The following NKD1 variants were observed in gnomAD, a reference collection of about 807,000 sequenced individuals.
The protein encoded by NKD1 is protein naked cuticle homolog 1.
In NKD1, 21 loss-of-function variants were observed where a neutral mutation model predicts 56.0. That is an observed-to-expected ratio of 0.38 (90% CI 0.27 to 0.54). The LOEUF is 0.54. NKD1 is among the 20% of genes least tolerant of loss of function. The pLI is 0.82. For synonymous variants in NKD1, 263 were observed against 265.7 expected, an observed-to-expected ratio of 0.99 and a Z score of 0.10; for missense variants, 578 against 642.7, an observed-to-expected ratio of 0.90 and a Z score of 1.09.
chr16:50,555,367 G>A (rs1490384210), intron 3 of NKD1: 2 of 152,490 alleles, frequency 1.3e-5, no homozygotes, highest in Non-Finnish European at 2.9e-5. Context: ...TTACCTGTCT[G>A]TCCCCCTGGA....
intron 3 of NKD1, among the ~76,000 whole-genome samples, chr16:50,572,563 T>C (rs186160579): frequency 2.6e-5 from 4 of 151,844 alleles, no homozygotes; most frequent in South Asian, 4.2e-4. Context: ...GGTAGTGGAG[T>C]TGTCTGCTCC....
At chr16:50,562,755 G>C (rs1289432066) in intron 3 of NKD1, among the ~76,000 whole-genome samples, 1 of 152,116 alleles carries the variant, frequency 6.6e-6, no homozygotes, top group Admixed American at 6.5e-5. Flanking sequence ...GTTGGAGAGG[G>C]ATGAGGGGGG....
At chr16:50,555,845 C>G (rs1158641002) in intron 3 of NKD1, 1 of 152,384 alleles carries the variant, frequency 6.6e-6, no homozygotes, top group Non-Finnish European at 1.5e-5. Flanking sequence ...CCAGGCACTT[C>G]TGGCTGCCTC....
chr16:50,578,045 A>C (rs143260305), intron 3 of NKD1, among the ~76,000 whole-genome samples: 2,198 of 152,328 alleles, frequency 0.014, 31 homozygotes, highest in Non-Finnish European at 0.02. Context: ...ATTGAAGTTT[A>C]GAATTTTATT....
chr16:50,626,642 G>A (rs962332707), intron 6 of NKD1, among the ~76,000 whole-genome samples: 2 of 152,212 alleles, frequency 1.3e-5, no homozygotes, highest in African/African-American at 4.8e-5. Context: ...GGGCCTTGGA[G>A]GCCCTGGCAG....
chr16:50,565,518 ATAACAACAG>A (rs1960740351), intron 3 of NKD1, among the ~76,000 whole-genome samples: 1 of 152,050 alleles, frequency 6.6e-6, no homozygotes, highest in African/African-American at 2.4e-5. Context: ...ATCTCTTAAA[ATAACAACAG>A]TAACAACAAA....
Position 50,647,248 on chromosome 16 carries a change from T to A in NKD1, c.*13467T>A, listed in dbSNP as rs745734562. ...TTGCCAGTGACTGATTCAGGAAAGA[T>A]CATGTGTGACCTTATTCTGGGCAAT... On this transcript the variant is annotated 3_prime_UTR_variant, in exon 10 of 10. Coordinates refer to ENST00000268459, the MANE Select transcript of NKD1 (RefSeq NM_033119.5). 4.6e-5 allele frequency: 7 copies of A among 152,184 alleles called. No individual in the cohort carries two copies. Among genetic ancestry groups the A allele is most frequent in the Non-Finnish European group, 7.3e-5 (5 of 68,038 alleles). 9.4% of individuals were successfully genotyped at this position (152,184 alleles called of 1,614,324 possible).
intron 3 of NKD1, 59 bp downstream of exon 3, chr16:50,549,614 C>A: frequency 1.4e-6 from 2 of 1,467,930 alleles, no homozygotes; most frequent in Non-Finnish European, 1.8e-6. Flanking sequence ...GAGATGGGTC[C>A]CCAAACCCAT....
chr16:50,623,851 CGTGT>C lies in NKD1; in HGVS notation c.367-1621_367-1618del, dbSNP rs142714181. Among the ~76,000 whole-genome samples the C allele has an allele frequency of 6.9e-6, 1 of 145,580 alleles. No individual in the cohort carries two copies. Among genetic ancestry groups the C allele is most frequent in the South Asian group, 2.2e-4 (1 of 4,534 alleles). On this transcript the variant is annotated intron_variant, in intron 5 of 9. Coordinates refer to ENST00000268459, the MANE Select transcript of NKD1 (RefSeq NM_033119.5). This position sits in a 1 kb window ranked among gnomAD's most constrained non-coding sequence, Gnocchi z 4.1. ...GTGTAGGTACGTGTGTAGGGGTATGCGTGTGTGTGTGTGTGTAGGGGTATGTATG... is the reference window on the plus strand; with the variant it reads ...GTGTAGGTACGTGTGTAGGGGTATGCGTGTGTGTGTGTAGGGGTATGTATG...
At chr16:50,575,381 G>A (rs11639974) in intron 3 of NKD1, 47,952 of 979,332 alleles carry the variant, frequency 0.049, 1,817 homozygotes, top group African/African-American at 0.19. Flanking sequence ...GAACATCAGC[G>A]CGAGGGTAAT....
Position 50,633,730 on chromosome 16 carries a change from C to G in NKD1, c.1362C>G (p.His454Gln). 6.4e-7 allele frequency: 1 copy of G among 1,559,274 alleles called. No homozygotes were observed. Among genetic ancestry groups the G allele is most frequent in the Non-Finnish European group, 8.7e-7 (1 of 1,150,402 alleles). Residue 454 changes from histidine to glutamine, a missense_variant, in exon 10 of 10, where the codon CAC becomes CAG. His to Gln is a conservative substitution (Grantham distance 24). Coordinates refer to ENST00000268459, the MANE Select transcript of NKD1 (RefSeq NM_033119.5). This position sits in a 1 kb window ranked among gnomAD's most constrained non-coding sequence, Gnocchi z 4.9. ...QAGQPVQRHE[H>Q]HHHHEHHHHY... is the part of the protein sequence containing the mutation. Reference sequence around the variant, plus strand: ...GGCAGCCGGTCCAGAGACATGAGCACCACCACCACCATGAACATCACCACC... The same window carrying G: ...GGCAGCCGGTCCAGAGACATGAGCAGCACCACCACCATGAACATCACCACC...
intron 4 of NKD1, among the ~76,000 whole-genome samples, chr16:50,616,805 C>T (rs893466107): frequency 7.2e-5 from 11 of 152,230 alleles, no homozygotes; most frequent in African/African-American, 2.4e-5. Flanking sequence ...AAAGCTGCCC[C>T]TCCTCAAGAC....
rs1168741598 is a variant in NKD1, at chr16:50,608,674, C to T, written c.259+314C>T. Among the ~76,000 whole-genome samples, 5 of 152,328 alleles carry T rather than the reference C, an allele frequency of 3.3e-5. No homozygotes were observed. The East Asian group carries it at 9.6e-4, about 29-fold the overall frequency. Reference sequence around the variant, plus strand: ...GCTCCTCTGGGGATAATAAGAGTAGCTGCTCAGAGTGATGTGTGAAGTGTG... The same window carrying T: ...GCTCCTCTGGGGATAATAAGAGTAGTTGCTCAGAGTGATGTGTGAAGTGTG... On this transcript the variant is annotated intron_variant, in intron 4 of 9. Coordinates refer to ENST00000268459, the MANE Select transcript of NKD1 (RefSeq NM_033119.5).
chr16:50,620,628 A>G (rs930720476), intron 4 of NKD1, among the ~76,000 whole-genome samples: 2 of 152,182 alleles, frequency 1.3e-5, no homozygotes, highest in Non-Finnish European at 2.9e-5. Context: ...TGTGGCCTGG[A>G]AAAGATGTCT....
chr16:50,589,816 C>T (rs1425365690), intron 3 of NKD1, among the ~76,000 whole-genome samples: 1 of 119,466 alleles, frequency 8.4e-6, no homozygotes, highest in African/African-American at 3.2e-5. Context: ...CCTCTCCTCT[C>T]CTCTCCTCTC....
chr16:50,605,582 T>A (rs780430898), intron 3 of NKD1, among the ~76,000 whole-genome samples: 3 of 152,228 alleles, frequency 2.0e-5, no homozygotes, highest in Non-Finnish European at 4.4e-5. Flanking sequence ...CTTGTCCTTA[T>A]TCCCTAAGCA....
In NKD1 at chr16:50,642,364, T is replaced by A. The variant is rs1962594889; in HGVS notation, c.*8583T>A. ...TCTGGACCTGATGTCCTAGATCCTG[T>A]GCACTTGGCTTCATGGATAGAGTCT... On this transcript the variant is annotated 3_prime_UTR_variant, in exon 10 of 10. Coordinates refer to ENST00000268459, the MANE Select transcript of NKD1 (RefSeq NM_033119.5). 1.3e-5 allele frequency: 2 copies of A among 152,266 alleles called. No individual in the cohort carries two copies. The highest frequency in any genetic ancestry group is 2.9e-5 in the Non-Finnish European group (2 of 68,070). The allele number at this position is 152,266 out of a possible 1,614,324, so 9.4% of individuals were successfully genotyped here.
chr16:50,571,007 G>T (rs1960871227), intron 3 of NKD1: 1 of 985,176 alleles, frequency 1.0e-6, no homozygotes, highest in African/African-American at 1.7e-5. Flanking sequence ...GACCCTCCTG[G>T]GTGTGCACCT....
chr16:50,570,883 G>A, intron 3 of NKD1: 1 of 985,440 alleles, frequency 1.0e-6, no homozygotes. Flanking sequence ...GAATGTGGCT[G>A]GCAGGTATTG....
Sources: gnomAD v4.1 joint callset for allele counts (sites outside exome capture counted in the v4.1 genomes callset) on GRCh38, gnomAD v4.1.1 for gene constraint, Gnocchi (gnomAD v3.1) non-coding constraint, MANE v1.5 for transcripts, NCBI Gene and HGNC (gene_info 2026-07-23, HGNC 2026-07-21) for gene names.